The following FBN1 variants were observed in gnomAD, a reference collection of about 807,000 sequenced individuals.
FBN1 encodes the protein fibrillin 1.
FBN1 carries 29 observed loss-of-function variants against 365.1 expected under a neutral mutation model. The ratio of observed to expected loss-of-function variants is 0.08; its 90% CI spans 0.06 to 0.11. The LOEUF (loss-of-function observed/expected upper bound fraction) is 0.11, where lower values mean the gene tolerates loss of function less well. Ranked by LOEUF, FBN1 falls within the 10% of genes least tolerant of loss-of-function variation. The probability of loss-of-function intolerance (pLI) is 1.00; values close to 1 mark genes in which losing one functional copy is unlikely to be tolerated. For synonymous variants in FBN1, 1,210 were observed against 1,270.5 expected (o/e 0.95, Z 1.01); for missense variants, 2,476 against 3,703.2 (o/e 0.67, Z 8.60).
intron 40 of FBN1, among the ~76,000 whole-genome samples, chr15:48,464,409 G>T (rs927594133): frequency 6.6e-6 from 1 of 152,094 alleles, no homozygotes; most frequent in African/African-American, 2.4e-5. Context: ...TACTCTACTC[G>T]GGAGGCTGAG....
At chr15:48,453,300 A>AT in intron 44 of FBN1, among the ~76,000 whole-genome samples, 1 of 144,576 alleles carries the variant, frequency 6.9e-6, no homozygotes, top group East Asian at 2.4e-4. Context: ...CAAACAAAAA[A>AT]AAAACACACA....
intron 4 of FBN1, among the ~76,000 whole-genome samples, chr15:48,606,823 C>A (rs916345856): frequency 6.6e-6 from 1 of 152,190 alleles, no homozygotes; most frequent in Non-Finnish European, 1.5e-5. Context: ...ATTTAATTAT[C>A]ATTGTGATGG....
At chr15:48,575,446 G>A (rs1210430470) in intron 6 of FBN1, among the ~76,000 whole-genome samples, 3 of 152,060 alleles carry the variant, frequency 2.0e-5, no homozygotes, top group Non-Finnish European at 4.4e-5. Context: ...CCCATTATCT[G>A]AATTGTGAGC....
chr15:48,444,738 T>A, intron 48 of FBN1, 78 bp from the exon 49 acceptor site: 1 of 1,487,276 alleles, frequency 6.7e-7, no homozygotes, highest in Non-Finnish European at 9.4e-7. Context: ...TCAAAAAAAC[T>A]AGAATGAATC....
At position 48,485,481 on chromosome 15, in the gene FBN1, C is replaced by A. The variant is rs758542279; in HGVS notation, c.3605G>T (p.Ser1202Ile). Residue 1202 changes from serine (S) to isoleucine (I), a missense_variant, in exon 30 of 66, where the codon AGC (serine) becomes ATC (isoleucine). Physicochemically the swap from Ser to Ile is moderately radical, Grantham distance 142. Coordinates refer to ENST00000316623, the MANE Select transcript of FBN1 (RefSeq NM_000138.5). ...RLFCVDIDEC[S>I]IMNGGCETFC... Reference sequence around the variant, plus strand: ...GGTTTCACAACCACCATTCATTATGCTGCATTCATCAATGTCTAAAAGAAA... The same window carrying A: ...GGTTTCACAACCACCATTCATTATGATGCATTCATCAATGTCTAAAAGAAA... 2.5e-6 allele frequency: 4 copies of A among 1,614,072 alleles called. No individual in the cohort carries two copies. In the East Asian group the frequency reaches 8.9e-5, roughly 36 times the overall value.
At chr15:48,520,569 A>G in intron 10 of FBN1, 90 bp downstream of exon 10, 2 of 1,484,520 alleles carry the variant, frequency 1.3e-6, no homozygotes, top group South Asian at 2.4e-5. Flanking sequence ...CATTTACCCA[A>G]GTTTCCATTA....
At chr15:48,525,026 A>G (rs1049618978) in intron 9 of FBN1, among the ~76,000 whole-genome samples, 1 of 152,232 alleles carries the variant, frequency 6.6e-6, no homozygotes, top group Non-Finnish European at 1.5e-5. Context: ...CTTGAATTTT[A>G]ATCTAGAACA....
rs2141229116 is a variant in FBN1, at chr15:48,427,739, T to C, written c.7032A>G (p.Leu2344=). Residue 2344 remains leucine (L), a synonymous_variant, in exon 58 of 66, where the codon CTA becomes CTG. Transcript: ENST00000316623. ...TGGAGCCGATCTGACACATGTTTTGTAGCACCTCTGTGAAGCAGTACCCTT... is the reference window on the plus strand; with the variant it reads ...TGGAGCCGATCTGACACATGTTTTGCAGCACCTCTGTGAAGCAGTACCCTT... The part of the protein sequence containing the change: ...NREGYCFTEV[L]QNMCQIGSSN... 1.9e-6 allele frequency: 3 copies of C among 1,614,108 alleles called. No individual in the cohort carries two copies. Among genetic ancestry groups the C allele is most frequent in the Non-Finnish European group, 2.5e-6 (3 of 1,180,000 alleles).
At chr15:48,510,524 T>C (rs559758758) in intron 13 of FBN1, among the ~76,000 whole-genome samples, 1 of 152,316 alleles carries the variant, frequency 6.6e-6, no homozygotes, top group Admixed American at 6.5e-5. Flanking sequence ...TCTTTAAACA[T>C]ATAATTTTAA....
At chr15:48,634,782 G>T (rs1265010852) in intron 2 of FBN1, among the ~76,000 whole-genome samples, 2 of 138,190 alleles carry the variant, frequency 1.4e-5, no homozygotes, top group Non-Finnish European at 3.1e-5. Context: ...AAGAAGAAAA[G>T]GAAAAGATGG....
At chr15:48,568,026 A>AAAG (rs1555403261) in intron 6 of FBN1, among the ~76,000 whole-genome samples, 17 of 118,796 alleles carry the variant, frequency 1.4e-4, no homozygotes, top group African/African-American at 5.4e-4. Context: ...AGAAAGAAAG[A>AAAG]AAGAAAGAAA....
chr15:48,520,315 T>C (rs1295802760), intron 10 of FBN1, among the ~76,000 whole-genome samples: 1 of 152,070 alleles, frequency 6.6e-6, no homozygotes, highest in Non-Finnish European at 1.5e-5. Flanking sequence ...CTGAACAACT[T>C]ACCTGAAAAA....
chr15:48,484,444 T>A (rs1352959171), intron 30 of FBN1, among the ~76,000 whole-genome samples: 1 of 151,906 alleles, frequency 6.6e-6, no homozygotes, highest in Non-Finnish European at 1.5e-5. Context: ...CGATCTTGGC[T>A]CACTGCAACC....
intron 2 of FBN1, among the ~76,000 whole-genome samples, chr15:48,629,443 A>G (rs1000600626): frequency 1.3e-5 from 2 of 152,242 alleles, no homozygotes; most frequent in African/African-American, 4.8e-5. Flanking sequence ...TGATTTGAAT[A>G]AACTGCAAAA....
At chr15:48,631,991 G>C (rs1889997835) in intron 2 of FBN1, among the ~76,000 whole-genome samples, 1 of 152,216 alleles carries the variant, frequency 6.6e-6, no homozygotes, top group African/African-American at 2.4e-5. Flanking sequence ...CTATTTGACA[G>C]ATCTGCCAGT....
At chr15:48,534,228 G>GA (rs1597591770) in intron 7 of FBN1, 23 bp from the exon 8 acceptor site, 5 of 1,547,990 alleles carry the variant, frequency 3.2e-6, no homozygotes, top group Admixed American at 3.9e-5. Context: ...AGAAGACAGA[G>GA]AGAAAAAAAA....
chr15:48,458,465 T>C (rs1356285555), intron 43 of FBN1, among the ~76,000 whole-genome samples: 1 of 152,214 alleles, frequency 6.6e-6, no homozygotes, highest in Non-Finnish European at 1.5e-5. Flanking sequence ...TTGTCATTCA[T>C]GTCATGAAAA....
intron 44 of FBN1, among the ~76,000 whole-genome samples, chr15:48,455,131 A>C (rs2043229308): frequency 1.3e-5 from 2 of 152,244 alleles, no homozygotes; most frequent in Non-Finnish European, 2.9e-5. Flanking sequence ...AAGAGCTAAG[A>C]GTATGCTAGG....
intron 50 of FBN1, among the ~76,000 whole-genome samples, chr15:48,440,282 G>A (rs1436775999): frequency 6.6e-6 from 1 of 152,198 alleles, no homozygotes; most frequent in African/African-American, 2.4e-5. Flanking sequence ...CTGGAGCTGA[G>A]CATGTGGCAG....
Sources: gnomAD v4.1 joint callset for allele counts (sites outside exome capture counted in the v4.1 genomes callset) on GRCh38, gnomAD v4.1.1 for gene constraint, MANE v1.5 for transcripts, NCBI Gene and HGNC (gene_info 2026-07-23, HGNC 2026-07-21) for gene names.